The following ATG7 variants were observed in gnomAD, a reference collection of about 807,000 sequenced individuals.
ATG7 encodes the protein ubiquitin-like modifier-activating enzyme ATG7.
Under a neutral mutation model 82.4 loss-of-function variants are expected in ATG7, and 70 were observed. That is an observed-to-expected ratio of 0.85 (90% CI 0.70 to 1.04). The LOEUF is 1.04. Among genes scored for constraint, ATG7 ranks in the 50% least tolerant of loss-of-function variants. The pLI is 0.00. For synonymous variants in ATG7, 287 were observed against 313.0 expected, an observed-to-expected ratio of 0.92 and a Z score of 0.88; for missense variants, 792 against 864.3, an observed-to-expected ratio of 0.92 and a Z score of 1.05.
In ATG7 at chr3:11,557,256, TAAC is replaced by T. The variant is rs771470628; in HGVS notation, c.*2415_*2417del. 1 of 152,790 alleles carries T rather than the reference TAAC, an allele frequency of 6.5e-6. No individual in the cohort carries two copies. The highest frequency in any genetic ancestry group is 1.5e-5 in the Non-Finnish European group (1 of 68,048). The allele number at this position is 152,790 out of a possible 1,614,324, so 9.5% of individuals were successfully genotyped here. A position where few individuals can be genotyped will look rare whatever the true frequency, so the allele number is the denominator to read the frequency against. ...ATATAGCAAATAATAAATGCAGTAA[TAAC>T]AGTATAAAGTCAGAGGAATGTATAC... On this transcript the variant is annotated 3_prime_UTR_variant, in exon 21 of 21. Transcript: ENST00000693202.
At chr3:11,378,434 G>A (rs1306003297) in intron 18 of ATG7, among the ~76,000 whole-genome samples, 1 of 151,214 alleles carries the variant, frequency 6.6e-6, no homozygotes, top group African/African-American at 2.4e-5. Context: ...CGTAACCCCA[G>A]CACTTTGGGA....
chr3:11,325,167 ACT>A (rs1267105756), intron 9 of ATG7, among the ~76,000 whole-genome samples: 4 of 152,070 alleles, frequency 2.6e-5, no homozygotes, highest in African/African-American at 4.8e-5. Flanking sequence ...GTGTAAGAAC[ACT>A]CTGTGATGTT....
chr3:11,393,219 CAT>C (rs1041252315), intron 19 of ATG7, among the ~76,000 whole-genome samples: 1 of 152,130 alleles, frequency 6.6e-6, no homozygotes, highest in East Asian at 1.9e-4. Flanking sequence ...CCAGCCAACA[CAT>C]ATATATATTG....
chr3:11,403,360 G>A (rs1395201979), intron 19 of ATG7, among the ~76,000 whole-genome samples: 1 of 151,764 alleles, frequency 6.6e-6, no homozygotes, highest in East Asian at 1.9e-4. Context: ...TCTCTTAAGG[G>A]TATTGGGGGA....
intron 20 of ATG7, among the ~76,000 whole-genome samples, chr3:11,496,163 TA>T (rs1052771639): frequency 6.6e-6 from 1 of 151,886 alleles, no homozygotes; most frequent in African/African-American, 2.4e-5. Flanking sequence ...GCTCTTTAAC[TA>T]AAAAAAACAT....
chr3:11,362,345 A>C (rs1213720024), intron 16 of ATG7, among the ~76,000 whole-genome samples: 4 of 152,248 alleles, frequency 2.6e-5, no homozygotes, highest in Non-Finnish European at 4.4e-5. Context: ...ATAGGAACTG[A>C]GGGCCGCAGG....
chr3:11,329,686 T>C (rs900567839), intron 9 of ATG7, among the ~76,000 whole-genome samples: 2 of 152,202 alleles, frequency 1.3e-5, no homozygotes, highest in Non-Finnish European at 1.5e-5. Context: ...TTACAGAAGA[T>C]AGTGGCAAAG....
At chr3:11,453,503 A>G (rs1175512064) in intron 20 of ATG7, among the ~76,000 whole-genome samples, 1 of 152,130 alleles carries the variant, frequency 6.6e-6, no homozygotes, top group African/African-American at 2.4e-5. Context: ...AAGGGTGGAG[A>G]AGTAGGCGGG....
At chr3:11,391,082 A>G (rs541933437) in intron 19 of ATG7, among the ~76,000 whole-genome samples, 144 of 152,304 alleles carry the variant, frequency 9.5e-4, no homozygotes, top group African/African-American at 3.1e-3. Flanking sequence ...TTGTCTGAAC[A>G]GAGATCAGGT....
chr3:11,525,776 G>C (rs966721349), intron 20 of ATG7, among the ~76,000 whole-genome samples: 1 of 151,576 alleles, frequency 6.6e-6, no homozygotes, highest in Non-Finnish European at 1.5e-5. Context: ...GGATGGTCTC[G>C]ATCTCCTGAC....
chr3:11,526,016 G>T (rs185001466), intron 20 of ATG7, among the ~76,000 whole-genome samples: 1 of 152,152 alleles, frequency 6.6e-6, no homozygotes, highest in Non-Finnish European at 1.5e-5. Flanking sequence ...GTTCAGTGCT[G>T]TGCTGATATA....
chr3:11,546,391 C>T (rs778526657), intron 20 of ATG7, among the ~76,000 whole-genome samples: 59 of 152,172 alleles, frequency 3.9e-4, no homozygotes, highest in Non-Finnish European at 7.5e-4. Flanking sequence ...AAGCTGGTCT[C>T]GAACTCCTGA....
intron 20 of ATG7, among the ~76,000 whole-genome samples, chr3:11,430,087 T>C (rs2082735083): frequency 6.6e-6 from 1 of 152,172 alleles, no homozygotes; most frequent in Admixed American, 6.5e-5. Flanking sequence ...ATATTCTTTA[T>C]TTAGATGATG....
chr3:11,346,916 T>C (rs1026418790), intron 13 of ATG7, among the ~76,000 whole-genome samples: 9 of 152,372 alleles, frequency 5.9e-5, no homozygotes, highest in African/African-American at 1.9e-4. Flanking sequence ...CTTGGGTCCT[T>C]GTTGGCTGGA....
chr3:11,294,065 G>C (rs1307813086), intron 3 of ATG7, among the ~76,000 whole-genome samples: 4 of 151,424 alleles, frequency 2.6e-5, no homozygotes, highest in Non-Finnish European at 4.4e-5. Flanking sequence ...GAATGACTGA[G>C]GAGAGGGCTG....
chr3:11,278,451 G>C (rs1054188803), intron 1 of ATG7, among the ~76,000 whole-genome samples: 3 of 152,174 alleles, frequency 2.0e-5, no homozygotes, highest in African/African-American at 7.2e-5. Flanking sequence ...CGGTCCCTCC[G>C]TTCAGGGTCC....
chr3:11,439,916 A>C (rs1381502058), intron 20 of ATG7, among the ~76,000 whole-genome samples: 1 of 152,176 alleles, frequency 6.6e-6, no homozygotes, highest in Non-Finnish European at 1.5e-5. Flanking sequence ...GGAGGTGACT[A>C]TTATCCCATT....
chr3:11,462,846 TTTATTTATTTA>T (rs2086460848), intron 20 of ATG7, among the ~76,000 whole-genome samples: 1 of 3,602 alleles, frequency 2.8e-4, no homozygotes, highest in Non-Finnish European at 3.8e-3. Context: ...GATATTTTTA[TTTATTTATTTA>T]TTTATTTATT....
intron 9 of ATG7, among the ~76,000 whole-genome samples, chr3:11,320,846 C>G (rs985083614): frequency 2.0e-5 from 3 of 152,196 alleles, no homozygotes; most frequent in African/African-American, 4.8e-5. Context: ...GAGGGTAGCT[C>G]TTATTATTAG....
Sources: gnomAD v4.1 joint callset for allele counts (sites outside exome capture counted in the v4.1 genomes callset) on GRCh38, gnomAD v4.1.1 for gene constraint, MANE v1.5 for transcripts, NCBI Gene and HGNC (gene_info 2026-07-23, HGNC 2026-07-21) for gene names.